Variants in STAR observed in about 807,000 individuals in gnomAD.
STAR encodes steroidogenic acute regulatory protein, mitochondrial.
Under a neutral mutation model 32.3 loss-of-function variants are expected in STAR, and 32 were observed. The ratio of observed to expected loss-of-function variants is 0.99; its 90% CI spans 0.75 to 1.33. STAR has a LOEUF of 1.33. STAR is among the 40% of genes most tolerant of loss of function. STAR has a pLI of 0.00. For missense variants in STAR, 375 were observed against 379.0 expected (o/e 0.99, Z 0.09); for synonymous variants, 134 against 140.5 (o/e 0.95, Z 0.33).
rs1205054821 is a variant in STAR, at chr8:38,146,281, T to C, written c.465+8A>G. On this transcript the variant is annotated splice_region_variant and intron_variant, in intron 4 of 6. Transcript: ENST00000276449. ...GGCCCCTGCCACCTGCACCTGGACT[T>C]TGCTCACCTTGATCTCCTTGACATT... The C allele has an allele frequency of 6.2e-7, 1 of 1,614,108 alleles. No individual in the cohort carries two copies. Among genetic ancestry groups the C allele is most frequent in the Non-Finnish European group, 8.5e-7 (1 of 1,180,024 alleles).
At chr8:38,148,887 T>C (rs1457733833) in intron 1 of STAR, 133 bp from the exon 2 acceptor site, 1 of 729,770 alleles carries the variant, frequency 1.4e-6, no homozygotes, top group Non-Finnish European at 2.4e-6. Flanking sequence ...GCACACAGGA[T>C]TCTAGCAGGG....
At chr8:38,150,716 C>G in intron 1 of STAR, 39 bp downstream of exon 1, 2 of 1,603,890 alleles carry the variant, frequency 1.2e-6, no homozygotes, top group Non-Finnish European at 1.7e-6. Context: ...CCGCTGAGAG[C>G]TGGCCAACCC....
intron 3 of STAR, 29 bp downstream of exon 3, chr8:38,148,170 AG>A: frequency 6.2e-7 from 1 of 1,613,450 alleles, no homozygotes; most frequent in Non-Finnish European, 8.5e-7. Context: ...TGGAGCATGG[AG>A]GAACCACAGG....
chr8:38,149,366 C>T (rs959474197), intron 1 of STAR, among the ~76,000 whole-genome samples: 12 of 152,150 alleles, frequency 7.9e-5, no homozygotes, highest in African/African-American at 2.7e-4. Context: ...TTGGAAAGAT[C>T]GTGCCTAGAT....
Position 38,143,305 on chromosome 8 carries a change from ATTTTT to A in STAR, c.*963_*967del, listed in dbSNP as rs11326306. ...GTGAAGTTGTAATCTACTAGCATAG[ATTTTT>A]TTTTTTTTTTTTTTGAGATGGAGTC... On this transcript the variant is annotated 3_prime_UTR_variant, in exon 7 of 7. Transcript: ENST00000276449. Among the ~76,000 whole-genome samples the A allele has an allele frequency of 9.3e-6, 1 of 107,230 alleles. No homozygotes were observed. Among genetic ancestry groups the A allele is most frequent in the Non-Finnish European group, 2.0e-5 (1 of 48,852 alleles). 70.3% of individuals were successfully genotyped at this position (107,230 alleles called of 152,430 possible).
chr8:38,147,164 T>G (rs537233493), intron 3 of STAR, among the ~76,000 whole-genome samples: 1 of 151,958 alleles, frequency 6.6e-6, no homozygotes, highest in African/African-American at 2.4e-5. Context: ...ATTTTTAAAT[T>G]TTTTGTAGAG....
Position 38,150,873 on chromosome 8 carries a change from C to T in STAR, c.-55G>A. ...GTCGCTGCCGCTGCTGCTGCCGCCG[C>T]TGCTGCTGCCTCTTCTCTCAAGGGT... On this transcript the variant is annotated 5_prime_UTR_variant, in exon 1 of 7. Transcript: ENST00000276449. 6.2e-7 allele frequency: 1 copy of T among 1,600,728 alleles called. No individual in the cohort carries two copies.
In STAR at chr8:38,148,341, C is replaced by T. The variant is rs117578796; in HGVS notation, c.179-14G>A. The stretch of plus-strand genomic sequence containing the variant: ...CCAGCCGAGAACCTGGATACACAGC[C>T]GAGGAGAGACAGAGCTTCCTTCTTC... On this transcript the variant is annotated splice_polypyrimidine_tract_variant and intron_variant, in intron 2 of 6. Transcript: ENST00000276449. The T allele has an allele frequency of 2.0e-4, 317 of 1,613,860 alleles. 2 individuals are homozygous for T. The East Asian group carries it at 6.3e-3, about 32-fold the overall frequency.
chr8:38,144,159 C>T lies in STAR; in HGVS notation c.*114G>A. 2 of 1,121,476 alleles carry T rather than the reference C, an allele frequency of 1.8e-6. No individual in the cohort carries two copies. The highest frequency in any genetic ancestry group is 2.6e-6 in the Non-Finnish European group (2 of 768,784). 69.5% of individuals were successfully genotyped at this position (1,121,476 alleles called of 1,614,324 possible). ...GTCATACTCTAAACACGAACCCCAC[C>T]CATCCCACTGTCACCAGATGGAGAT... On this transcript the variant is annotated 3_prime_UTR_variant, in exon 7 of 7. Coordinates refer to ENST00000276449, the MANE Select transcript of STAR (RefSeq NM_000349.3).
chr8:38,147,067 A>C (rs1802588185), intron 3 of STAR, among the ~76,000 whole-genome samples: 1 of 151,208 alleles, frequency 6.6e-6, no homozygotes, highest in Non-Finnish European at 1.5e-5. Context: ...GGGTCATTGC[A>C]GCCTCAACCT....
intron 3 of STAR, among the ~76,000 whole-genome samples, chr8:38,147,412 G>C (rs1463443449): frequency 6.6e-6 from 1 of 152,166 alleles, no homozygotes; most frequent in East Asian, 1.9e-4. Context: ...AGCTTAATTA[G>C]ATACATAGAA....
At chr8:38,150,508 A>C (rs1330839589) in intron 1 of STAR, among the ~76,000 whole-genome samples, 1 of 152,172 alleles carries the variant, frequency 6.6e-6, no homozygotes, top group African/African-American at 2.4e-5. Context: ...AAAAAGAATA[A>C]AAATGAAAGA....
chr8:38,145,040 C>A, intron 6 of STAR, 182 bp downstream of exon 6: 1 of 1,427,644 alleles, frequency 7.0e-7, no homozygotes, highest in South Asian at 1.4e-5. Context: ...GAAGAGGGGG[C>A]CATCACAGGC....
chr8:38,146,222 C>T (rs542668335), intron 4 of STAR, 67 bp downstream of exon 4: 1 of 1,613,572 alleles, frequency 6.2e-7, no homozygotes. Context: ...TAGGGGTCCT[C>T]TCTTTGATAC....
chr8:38,148,778 C>A (rs888787501), intron 1 of STAR, 24 bp from the exon 2 acceptor site: 1 of 1,598,046 alleles, frequency 6.3e-7, no homozygotes, highest in Non-Finnish European at 8.6e-7. Flanking sequence ...TAACCCTTGT[C>A]TAGGAGCTGG....
At chr8:38,145,924 G>T (rs762928811) in intron 5 of STAR, 39 bp downstream of exon 5, 1 of 1,611,966 alleles carries the variant, frequency 6.2e-7, no homozygotes, top group Non-Finnish European at 8.5e-7. Context: ...GCAGGCCTGT[G>T]TTAGAAGAGG....
At position 38,148,341 on chromosome 8, in the gene STAR, C is replaced by G. The variant is rs117578796; in HGVS notation, c.179-14G>C. 3.7e-6 allele frequency: 6 copies of G among 1,613,744 alleles called. No homozygotes were observed. The highest frequency in any genetic ancestry group is 3.4e-6 in the Non-Finnish European group (4 of 1,179,984). On this transcript the variant is annotated splice_polypyrimidine_tract_variant and intron_variant, in intron 2 of 6. Coordinates refer to ENST00000276449, the MANE Select transcript of STAR (RefSeq NM_000349.3). ...CCAGCCGAGAACCTGGATACACAGC[C>G]GAGGAGAGACAGAGCTTCCTTCTTC... is the stretch of plus-strand genomic sequence containing the variant.
chr8:38,145,983 A>C lies in STAR; in HGVS notation c.630T>G (p.Pro210=). 1 of 1,614,134 alleles carries C rather than the reference A, an allele frequency of 6.2e-7. No homozygotes were observed. The highest frequency in any genetic ancestry group is 8.5e-7 in the Non-Finnish European group (1 of 1,180,038). ...ATTACCTGATGACACCCTTCTGCTC[A>C]GGCATGTTCCCGAAGTCTGTGGCCA... ...AGMATDFGNM[P]EQKGVIRAEH... is the part of the protein sequence containing the mutation. The change falls in exon 5 of 7, where the codon CCT becomes CCG. Residue 210 remains proline (P), a synonymous_variant. Transcript: ENST00000276449.
chr8:38,147,935 C>G (rs565555534), intron 3 of STAR, among the ~76,000 whole-genome samples: 2 of 152,330 alleles, frequency 1.3e-5, no homozygotes, highest in East Asian at 3.9e-4. Flanking sequence ...TGATGTCTGC[C>G]AAGTGGGCAC....
Sources: allele counts gnomAD v4.1 joint callset (sites outside exome capture counted in the v4.1 genomes callset), GRCh38; gene constraint gnomAD v4.1.1; transcripts MANE v1.5; gene names NCBI Gene and HGNC (gene_info 2026-07-23, HGNC 2026-07-21).